Variants in ABCC5 observed in about 807,000 individuals in gnomAD.
ABCC5 encodes the protein ATP-binding cassette sub-family C member 5.
ABCC5 carries 61 observed loss-of-function variants against 160.9 expected under a neutral mutation model. That is an observed-to-expected ratio of 0.38 (90% CI 0.31 to 0.47). The LOEUF is 0.47. Ranked by LOEUF, ABCC5 falls within the 20% of genes least tolerant of loss-of-function variation. The pLI is 0.99. For synonymous variants in ABCC5, 666 were observed against 700.6 expected, an observed-to-expected ratio of 0.95 and a Z score of 0.78; for missense variants, 1,308 against 1,813.3, an observed-to-expected ratio of 0.72 and a Z score of 5.06.
intron 5 of ABCC5, among the ~76,000 whole-genome samples, 198 bp from the exon 6 acceptor site, chr3:183,983,205 T>C (rs997320502): frequency 6.6e-6 from 1 of 152,246 alleles, no homozygotes; most frequent in African/African-American, 2.4e-5. Flanking sequence ...CTAGGTCTAA[T>C]TGCAAACTTT....
At chr3:183,923,961 A>G (rs1380762449) in intron 29 of ABCC5, among the ~76,000 whole-genome samples, 1 of 144,778 alleles carries the variant, frequency 6.9e-6, no homozygotes, top group Non-Finnish European at 1.5e-5. Flanking sequence ...GTCCTGTCCC[A>G]TCTCCTCCGC....
Position 183,942,917 on chromosome 3 carries a change from C to T in ABCC5, c.3505-1G>A. The T allele has an allele frequency of 6.2e-7, 1 of 1,609,268 alleles. No homozygotes were observed. The highest frequency in any genetic ancestry group is 8.5e-7 in the Non-Finnish European group (1 of 1,176,962). On this transcript the variant is annotated splice_acceptor_variant, in intron 24 of 29. Coordinates refer to ENST00000334444, the MANE Select transcript of ABCC5 (RefSeq NM_005688.4). LOFTEE classifies it high-confidence loss of function. ...TGGCAGGTGCTTCCAAGGACAGAGT[C>T]TGGGGAGACAAGGGTGGCCAGTTCA...
Position 183,950,144 on chromosome 3 carries a change from G to A in ABCC5, c.2945-19C>T. 1 of 1,598,590 alleles carries A rather than the reference G, an allele frequency of 6.3e-7. No homozygotes were observed. The highest frequency in any genetic ancestry group is 2.2e-5 in the East Asian group (1 of 44,786). On this transcript the variant is annotated intron_variant, in intron 20 of 29. Transcript: ENST00000334444. ...ACGTCAACTGTGGAAACAAATAAAG[G>A]AGCAAGTGTCAGATGGTTTGGAAAA...
chr3:183,975,001 C>A (rs1718086694), intron 10 of ABCC5, among the ~76,000 whole-genome samples: 1 of 152,150 alleles, frequency 6.6e-6, no homozygotes, highest in Admixed American at 6.5e-5. Context: ...GGCTCTGCAA[C>A]ATCGTCAGTG....
chr3:183,961,555 T>C lies in ABCC5; in HGVS notation c.2335A>G (p.Thr779Ala). Residue 779 changes from threonine to alanine, a missense_variant, in exon 16 of 30, where the codon ACC becomes GCC. Thr to Ala is a moderately conservative substitution (Grantham distance 58). Transcript: ENST00000334444. ...CCCAGCAACAGGTTATTAAAAATGG[T>C]AGCATAGTCACCATTTAAATTCATC... ...ELMNLNGDYATIFNNLLLGET... is the reference protein window; with the variant it reads ...ELMNLNGDYAAIFNNLLLGET... 1.2e-5 allele frequency: 19 copies of C among 1,614,192 alleles called. No homozygotes were observed. Among genetic ancestry groups the C allele is most frequent in the Non-Finnish European group, 1.6e-5 (19 of 1,180,034 alleles).
chr3:184,009,958 G>A (rs754251001), intron 2 of ABCC5: 21 of 434,202 alleles, frequency 4.8e-5, no homozygotes, highest in Non-Finnish European at 8.9e-5. Context: ...ACAACAGCCT[G>A]GCCAACAGTG....
intron 2 of ABCC5, among the ~76,000 whole-genome samples, chr3:183,992,265 A>G (rs7620350): frequency 6.6e-6 from 1 of 152,012 alleles, no homozygotes; most frequent in African/African-American, 2.4e-5. Context: ...AATCTCAACT[A>G]CTCAGGAGGC....
intron 15 of ABCC5, among the ~76,000 whole-genome samples, chr3:183,962,834 T>C (rs1716896348): frequency 6.6e-6 from 1 of 152,088 alleles, no homozygotes; most frequent in African/African-American, 2.4e-5. Flanking sequence ...GTCCCTCCGG[T>C]TTTTCACATG....
At chr3:183,944,719 T>TG (rs1195461849) in intron 24 of ABCC5, among the ~76,000 whole-genome samples, 1 of 152,210 alleles carries the variant, frequency 6.6e-6, no homozygotes, top group Non-Finnish European at 1.5e-5. Flanking sequence ...TAACATATTA[T>TG]GAGACTTTTT....
intron 8 of ABCC5, 86 bp from the exon 9 acceptor site, chr3:183,978,737 G>C (rs1389513314): frequency 6.8e-7 from 1 of 1,476,310 alleles, no homozygotes; most frequent in Non-Finnish European, 9.1e-7. Flanking sequence ...AGACTCTGTA[G>C]GTCTCCAGCC....
At chr3:183,948,711 A>ATTTTT (rs971364783) in intron 22 of ABCC5, among the ~76,000 whole-genome samples, 1 of 150,662 alleles carries the variant, frequency 6.6e-6, no homozygotes, top group African/African-American at 2.4e-5. Flanking sequence ...TTTTATTTTT[A>ATTTTT]TTTTTTTTGA....
At chr3:183,962,098 C>G (rs950348241) in intron 15 of ABCC5, among the ~76,000 whole-genome samples, 1 of 152,144 alleles carries the variant, frequency 6.6e-6, no homozygotes, top group African/African-American at 2.4e-5. Context: ...TACACAGATG[C>G]TCCTCAATTT....
Position 183,982,440 on chromosome 3 carries a change from G to A in ABCC5, c.999+11C>T. The A allele has an allele frequency of 3.1e-6, 5 of 1,612,088 alleles. No homozygotes were observed. Among genetic ancestry groups the A allele is most frequent in the Non-Finnish European group, 4.2e-6 (5 of 1,178,874 alleles). The stretch of plus-strand genomic sequence containing the variant: ...AGAAGCTGCCAGGATTCAGCTGGGA[G>A]GCTTACTCACCATTGCTGGGTAAAA... On this transcript the variant is annotated intron_variant, in intron 7 of 29. Coordinates refer to ENST00000334444, the MANE Select transcript of ABCC5 (RefSeq NM_005688.4). The surrounding 1 kb of genome is among the most constrained non-coding windows in gnomAD (Gnocchi z 5.2).
intron 2 of ABCC5, among the ~76,000 whole-genome samples, chr3:183,992,535 T>C (rs530545954): frequency 1.1e-4 from 17 of 152,104 alleles, no homozygotes; most frequent in Non-Finnish European, 1.5e-4. Flanking sequence ...CCTGTAATCC[T>C]AGCACTTTGG....
At chr3:184,013,258 ATTTTT>A (rs1023299341) in intron 2 of ABCC5, among the ~76,000 whole-genome samples, 83 of 152,024 alleles carry the variant, frequency 5.5e-4, no homozygotes, top group African/African-American at 1.9e-3. Flanking sequence ...ATTTTATTTT[ATTTTT>A]TATTTTTTTG....
At chr3:184,004,213 T>TAA (rs11298066) in intron 2 of ABCC5, among the ~76,000 whole-genome samples, 3 of 141,296 alleles carry the variant, frequency 2.1e-5, no homozygotes, top group African/African-American at 5.2e-5. Context: ...AGGCTTTAGC[T>TAA]AAAAAAAAAA....
chr3:184,002,393 C>A (rs1363612545), intron 2 of ABCC5, among the ~76,000 whole-genome samples: 12 of 147,398 alleles, frequency 8.1e-5, no homozygotes, highest in Admixed American at 6.7e-4. Context: ...AGCCAGACTC[C>A]GTCTCAAAAA....
Position 183,965,517 on chromosome 3 carries a change from C to A in ABCC5, c.1834-16G>T. On this transcript the variant is annotated splice_polypyrimidine_tract_variant and intron_variant, in intron 12 of 29. Transcript: ENST00000334444. ...GAAGCGTCATCTAGGGAGAGAGACACCATCCAATGGCATCATAACTCAAAA... is the reference window on the plus strand; with the variant it reads ...GAAGCGTCATCTAGGGAGAGAGACAACATCCAATGGCATCATAACTCAAAA... 1 of 1,613,510 alleles carries A rather than the reference C, an allele frequency of 6.2e-7. No homozygotes were observed. Among genetic ancestry groups the A allele is most frequent in the Non-Finnish European group, 8.5e-7 (1 of 1,179,890 alleles).
At chr3:183,970,068 C>T (rs1015717028) in intron 11 of ABCC5, among the ~76,000 whole-genome samples, 1 of 152,190 alleles carries the variant, frequency 6.6e-6, no homozygotes, top group Admixed American at 6.5e-5. Context: ...CCAGAATGAT[C>T]CTCTTCATAC....
Sources: gnomAD v4.1 joint callset for allele counts (sites outside exome capture counted in the v4.1 genomes callset) on GRCh38, gnomAD v4.1.1 for gene constraint, Gnocchi (gnomAD v3.1) non-coding constraint, MANE v1.5 for transcripts, NCBI Gene and HGNC (gene_info 2026-07-23, HGNC 2026-07-21) for gene names.